The following LRRC23 variants were observed in gnomAD, a reference collection of about 807,000 sequenced individuals.
LRRC23 encodes leucine rich repeat containing 23.
Under a neutral mutation model 37.7 loss-of-function variants are expected in LRRC23, and 28 were observed. The ratio of observed to expected loss-of-function variants is 0.74; its 90% CI spans 0.55 to 1.02. The LOEUF is 1.02. Among genes scored for constraint, LRRC23 ranks in the 50% least tolerant of loss-of-function variants. The pLI is 0.00. For missense variants in LRRC23, 377 were observed against 413.2 expected, an observed-to-expected ratio of 0.91 and a Z score of 0.76; for synonymous variants, 161 against 165.4, an observed-to-expected ratio of 0.97 and a Z score of 0.20.
chr12:6,913,557 T>TTG (rs1945233654), intron 7 of LRRC23, among the ~76,000 whole-genome samples: 1 of 98,494 alleles, frequency 1.0e-5, no homozygotes, highest in Non-Finnish European at 1.9e-5. Flanking sequence ...CTCTGTTTGT[T>TTG]TTTTTTTTTT....
intron 5 of LRRC23, among the ~76,000 whole-genome samples, chr12:6,909,475 TTATATATTA>T (rs1355053790): frequency 1.2e-5 from 1 of 80,256 alleles, no homozygotes; most frequent in African/African-American, 5.7e-5. Context: ...AATATATATT[TTATATATTA>T]TATAATATAT....
intron 5 of LRRC23, 104 bp downstream of exon 5, chr12:6,907,549 A>G (rs782215955): frequency 1.7e-6 from 2 of 1,187,130 alleles, no homozygotes; most frequent in East Asian, 4.9e-5. Context: ...TCATTATGAT[A>G]ATAACTGGTA....
chr12:6,913,413 C>T (rs1221828143), intron 7 of LRRC23, among the ~76,000 whole-genome samples: 1 of 151,254 alleles, frequency 6.6e-6, no homozygotes, highest in East Asian at 1.9e-4. Flanking sequence ...AGAGGAAGAT[C>T]CAGCACAAAA....
intron 5 of LRRC23, among the ~76,000 whole-genome samples, chr12:6,908,923 T>C (rs1036518013): frequency 1.8e-4 from 25 of 139,930 alleles, no homozygotes; most frequent in African/African-American, 6.7e-4. Context: ...GAGAAGTTCC[T>C]GAGACCTGCC....
intron 3 of LRRC23, 119 bp downstream of exon 3, chr12:6,906,073 GGAA>G: frequency 2.2e-6 from 2 of 900,142 alleles, no homozygotes; most frequent in Non-Finnish European, 3.5e-6. Flanking sequence ...TAGTGGAAAG[GGAA>G]GGACAGAATT....
At chr12:6,910,327 T>C (rs892356431) in intron 6 of LRRC23, among the ~76,000 whole-genome samples, 4 of 152,158 alleles carry the variant, frequency 2.6e-5, no homozygotes, top group Admixed American at 6.5e-5. Flanking sequence ...TTCATGCCTG[T>C]ACTCCCAGCA....
chr12:6,913,693 T>G, intron 7 of LRRC23, 198 bp from the exon 8 acceptor site: 1 of 312,438 alleles, frequency 3.2e-6, no homozygotes, highest in Non-Finnish European at 5.9e-6. Flanking sequence ...GCCTCCCGAG[T>G]AGCTGGGACT....
At position 6,905,958 on chromosome 12, in the gene LRRC23, C is replaced by T. The variant is rs782466604; in HGVS notation, c.236+4C>T. ...TCAAGCTGGAGGTTAAAGAGAGGTG[C>T]GTTTTGGGGGGACCAGATGAGGACT... On this transcript the variant is annotated splice_donor_region_variant and intron_variant, in intron 3 of 7. Coordinates refer to ENST00000443597, the MANE Select transcript of LRRC23 (RefSeq NM_001135217.2). 10 of 1,611,930 alleles carry T rather than the reference C, an allele frequency of 6.2e-6. No homozygotes were observed. Among genetic ancestry groups the T allele is most frequent in the East Asian group, 2.2e-5 (1 of 44,856 alleles).
chr12:6,908,250 T>C (rs2138144801), intron 5 of LRRC23, among the ~76,000 whole-genome samples: 1 of 152,130 alleles, frequency 6.6e-6, no homozygotes, highest in Admixed American at 6.5e-5. Flanking sequence ...TTCATGATCT[T>C]AGTATTCCTT....
chr12:6,913,341 C>A, intron 7 of LRRC23: 1 of 318,568 alleles, frequency 3.1e-6, no homozygotes, highest in Non-Finnish European at 5.9e-6. Flanking sequence ...GGTGTGGGTG[C>A]ATGGTAGGGG....
chr12:6,906,271 T>C, intron 3 of LRRC23, 138 bp from the exon 4 acceptor site: 1 of 844,076 alleles, frequency 1.2e-6, no homozygotes, highest in South Asian at 1.6e-5. Context: ...CTTACCCTTC[T>C]TCTCCCCTAC....
At chr12:6,913,859 G>T in intron 7 of LRRC23, 32 bp from the exon 8 acceptor site, 1 of 1,512,024 alleles carries the variant, frequency 6.6e-7, no homozygotes, top group Non-Finnish European at 8.9e-7. Context: ...CACAGCGCCT[G>T]GTCCCTATTT....
chr12:6,905,926 G>A lies in LRRC23; in HGVS notation c.208G>A (p.Ala70Thr). 1 of 1,614,004 alleles carries A rather than the reference G, an allele frequency of 6.2e-7. No homozygotes were observed. Among genetic ancestry groups the A allele is most frequent in the Non-Finnish European group, 8.5e-7 (1 of 1,179,986 alleles). ...LCKTGNGLAH[A>T]YVKLEVKERD... Reference sequence around the variant, plus strand: ...TAAGACAGGCAATGGGCTGGCTCATGCTTATGTCAAGCTGGAGGTTAAAGA... The same window carrying A: ...TAAGACAGGCAATGGGCTGGCTCATACTTATGTCAAGCTGGAGGTTAAAGA... The change falls in exon 3 of 8, where the codon GCT becomes ACT. Residue 70 changes from alanine (A) to threonine (T), a missense_variant. Coordinates refer to ENST00000443597, the MANE Select transcript of LRRC23 (RefSeq NM_001135217.2).
In LRRC23 at chr12:6,906,569, C is replaced by T; in HGVS notation, c.397C>T (p.Leu133=). The change falls in exon 4 of 8, where the codon CTG becomes TTG. Residue 133 remains leucine (L), a synonymous_variant. Transcript: ENST00000443597. ...GCTGCGAAGTGCCCAGATGAATGAACTGCCCTACCTGCAGATTGCTAGTTT... is the reference window on the plus strand; with the variant it reads ...GCTGCGAAGTGCCCAGATGAATGAATTGCCCTACCTGCAGATTGCTAGTTT... The part of the protein sequence containing the change: ...NRLRSAQMNE[L]PYLQIASFAY... The T allele has an allele frequency of 6.2e-7, 1 of 1,614,248 alleles. No individual in the cohort carries two copies. The highest frequency in any genetic ancestry group is 8.5e-7 in the Non-Finnish European group (1 of 1,180,042).
chr12:6,906,267 C>CTTCTTCTCCCCTACCATCTGTTGCCCA, intron 3 of LRRC23, 142 bp from the exon 4 acceptor site: 2 of 825,556 alleles, frequency 2.4e-6, no homozygotes, highest in Non-Finnish European at 3.9e-6. Context: ...TTCTCTTACC[C>CTTCTTCTCCCCTACCATCTGTTGCCCA]TTCTTCTCCC....
intron 6 of LRRC23, among the ~76,000 whole-genome samples, chr12:6,911,948 A>C (rs1945170093): frequency 6.6e-6 from 1 of 152,190 alleles, no homozygotes; most frequent in African/African-American, 2.4e-5. Flanking sequence ...GGCTGCAGTG[A>C]GCTATGATCA....
intron 5 of LRRC23, among the ~76,000 whole-genome samples, chr12:6,908,854 A>G (rs781856937): frequency 1.4e-5 from 2 of 143,600 alleles, no homozygotes; most frequent in East Asian, 4.0e-4. Flanking sequence ...TCACAGTCAG[A>G]AAGAGGGAGT....
At position 6,913,551 on chromosome 12, in the gene LRRC23, G is replaced by GTTTTTTTTTT. The variant is rs1248085636; in HGVS notation, c.*25-337_*25-336insTTTTTTTTTT. Reference sequence around the variant, plus strand: ...TAGGGGAGAGGCTTTATTTACCTCTGTTTGTTTTTTTTTTTTTTTTTTTTT... The same window carrying GTTTTTTTTTT: ...TAGGGGAGAGGCTTTATTTACCTCTGTTTTTTTTTTTTTGTTTTTTTTTTTTTTTTTTTTT... On this transcript the variant is annotated intron_variant, in intron 7 of 7. Transcript: ENST00000443597. Among the ~76,000 whole-genome samples the GTTTTTTTTTT allele has an allele frequency of 4.1e-3, 321 of 78,168 alleles. 104 individuals are homozygous for GTTTTTTTTTT. Among genetic ancestry groups the GTTTTTTTTTT allele is most frequent in the African/African-American group, 0.011 (224 of 19,546 alleles). 51.3% of individuals were successfully genotyped at this position (78,168 alleles called of 152,430 possible).
chr12:6,909,828 A>G, intron 5 of LRRC23, 62 bp from the exon 6 acceptor site: 1 of 1,499,232 alleles, frequency 6.7e-7, no homozygotes, highest in East Asian at 2.3e-5. Context: ...TCTCATTCTG[A>G]CTTCTCTTTC....
Sources: gnomAD v4.1 joint callset for allele counts (sites outside exome capture counted in the v4.1 genomes callset) on GRCh38, gnomAD v4.1.1 for gene constraint, MANE v1.5 for transcripts, NCBI Gene and HGNC (gene_info 2026-07-23, HGNC 2026-07-21) for gene names.